Variants in NSD1 observed in about 807,000 individuals in gnomAD.
NSD1 encodes histone-lysine N-methyltransferase, H3 lysine-36 specific.
Under a neutral mutation model 242.7 loss-of-function variants are expected in NSD1, and 26 were observed. The ratio of observed to expected loss-of-function variants is 0.11; its 90% CI spans 0.08 to 0.15. The LOEUF is 0.15. NSD1 is among the 10% of genes least tolerant of loss of function. NSD1 has a pLI of 1.00. For synonymous variants in NSD1, 1,106 were observed against 1,178.1 expected, an observed-to-expected ratio of 0.94 and a Z score of 1.25; for missense variants, 2,495 against 3,272.8, an observed-to-expected ratio of 0.76 and a Z score of 5.80.
At chr5:177,200,773 G>A (rs765824445) in intron 3 of NSD1, among the ~76,000 whole-genome samples, 1 of 151,894 alleles carries the variant, frequency 6.6e-6, no homozygotes, top group Non-Finnish European at 1.5e-5. Flanking sequence ...TACATAATAC[G>A]TCATTGTATT....
chr5:177,158,945 TACACACATATATATATAC>T (rs1758438792), intron 2 of NSD1, among the ~76,000 whole-genome samples: 1 of 145,404 alleles, frequency 6.9e-6, no homozygotes, highest in Non-Finnish European at 1.5e-5. Flanking sequence ...TGTGTATATA[TACACACATATATATATAC>T]ACACACATAT....
At chr5:177,132,252 G>T (rs1353114519), upstream of NSD1, among the ~76,000 whole-genome samples, 7 of 151,936 alleles carry the variant, frequency 4.6e-5, no homozygotes, top group South Asian at 1.5e-3. This position sits in a 1 kb window ranked among gnomAD's most constrained non-coding sequence, Gnocchi z 7.5. Flanking sequence ...ACTCCCCGGG[G>T]AACCGGGCTG....
At position 177,300,172 on chromosome 5, in the gene NSD1, G is replaced by GA. The variant is rs1265899703; in HGVS notation, c.*4721dup. The GA allele has an allele frequency of 2.8e-5, 6 of 216,938 alleles. No homozygotes were observed. The highest frequency in any genetic ancestry group is 3.7e-5 in the Non-Finnish European group (4 of 108,870). The allele number at this position is 216,938 out of a possible 1,614,324, so 13.4% of individuals were successfully genotyped here. A position where few individuals can be genotyped will look rare whatever the true frequency, so the allele number is the denominator to read the frequency against. On this transcript the variant is annotated 3_prime_UTR_variant, in exon 23 of 23. Coordinates refer to ENST00000439151, the MANE Select transcript of NSD1 (RefSeq NM_022455.5). ...CATGTACTGTAATTCTTTGTATATAGAAAAAAAATTTACTGTAAAGTAAAG... is the reference window on the plus strand; with the variant it reads ...CATGTACTGTAATTCTTTGTATATAGAAAAAAAAATTTACTGTAAAGTAAAG...
intron 13 of NSD1, among the ~76,000 whole-genome samples, chr5:177,257,817 T>TTTTTTA (rs1554199650): frequency 3.6e-5 from 5 of 139,664 alleles, no homozygotes; most frequent in Admixed American, 7.4e-5. Context: ...CTGGGCTTTT[T>TTTTTTA]TTTTATTTTA....
intron 2 of NSD1, among the ~76,000 whole-genome samples, chr5:177,140,585 G>A (rs1162847787): frequency 2.0e-5 from 3 of 152,070 alleles, no homozygotes; most frequent in Non-Finnish European, 2.9e-5. Flanking sequence ...TCTGGAGGCC[G>A]AGGCAGGAGG....
rs1757794071 is a variant in NSD1, at chr5:177,269,582, C to T, written c.5304-20C>T. The T allele has an allele frequency of 6.2e-7, 1 of 1,612,788 alleles. No homozygotes were observed. The highest frequency in any genetic ancestry group is 8.5e-7 in the Non-Finnish European group (1 of 1,178,862). On this transcript the variant is annotated intron_variant, in intron 15 of 22. Transcript: ENST00000439151. The surrounding 1 kb of genome is among the most constrained non-coding windows in gnomAD (Gnocchi z 5.1). ...TTGCAGCCTTCTAGAGGTTTTCCTT[C>T]TCCTTTTCACCTTTCCCAGGTGGTG...
intron 18 of NSD1, among the ~76,000 whole-genome samples, chr5:177,281,347 T>TA (rs397812124): frequency 1.5e-4 from 22 of 150,660 alleles, no homozygotes; most frequent in East Asian, 3.9e-4. Flanking sequence ...TTTTTTTTTT[T>TA]AATAAAATAA....
At chr5:177,249,627 T>C (rs1385686285) in intron 11 of NSD1, among the ~76,000 whole-genome samples, 2 of 152,016 alleles carry the variant, frequency 1.3e-5, no homozygotes, top group African/African-American at 2.4e-5. Flanking sequence ...ACCGGGACTA[T>C]AGGCACCCGC....
intron 2 of NSD1, among the ~76,000 whole-genome samples, chr5:177,162,337 C>T (rs1362467237): frequency 6.6e-6 from 1 of 151,482 alleles, no homozygotes; most frequent in Admixed American, 6.6e-5. Context: ...GTCATCGGGT[C>T]TTTCCAAATT....
intron 20 of NSD1, among the ~76,000 whole-genome samples, chr5:177,286,746 A>G (rs1759365988): frequency 6.6e-6 from 1 of 152,232 alleles, no homozygotes; most frequent in Non-Finnish European, 1.5e-5. Context: ...GAGTGCTGAT[A>G]GTCCCATTCT....
intron 17 of NSD1, among the ~76,000 whole-genome samples, chr5:177,279,253 G>A (rs999743091): frequency 7.2e-5 from 11 of 152,098 alleles, no homozygotes; most frequent in Admixed American, 2.6e-4. Context: ...AGACCGAGGC[G>A]GGCAGATCAC....
intron 2 of NSD1, among the ~76,000 whole-genome samples, chr5:177,173,953 TA>T (rs1443515434): frequency 6.6e-6 from 1 of 152,242 alleles, no homozygotes; most frequent in African/African-American, 2.4e-5. Flanking sequence ...ATTTGGTAGT[TA>T]AATGAACATT....
At chr5:177,271,237 T>C (rs1757921555) in intron 16 of NSD1, among the ~76,000 whole-genome samples, 1 of 152,276 alleles carries the variant, frequency 6.6e-6, no homozygotes. Context: ...GTGTATTGTA[T>C]ATGCTGTGGG....
chr5:177,280,257 G>A (rs555822489), intron 17 of NSD1, among the ~76,000 whole-genome samples: 3 of 151,686 alleles, frequency 2.0e-5, no homozygotes, highest in South Asian at 2.1e-4. Flanking sequence ...GATTACAGGC[G>A]TGAGCCACCG....
chr5:177,257,817 T>TTTTTATTTTATTTTATTTTA (rs10616203), intron 13 of NSD1, among the ~76,000 whole-genome samples: 2 of 139,664 alleles, frequency 1.4e-5, no homozygotes, highest in African/African-American at 5.2e-5. Flanking sequence ...CTGGGCTTTT[T>TTTTTATTTTATTTTATTTTA]TTTTATTTTA....
At chr5:177,271,445 G>A (rs1004870396) in intron 16 of NSD1, among the ~76,000 whole-genome samples, 1 of 152,112 alleles carries the variant, frequency 6.6e-6, no homozygotes. Flanking sequence ...AGGAAACTGA[G>A]GCACATTAAT....
chr5:177,143,463 A>G (rs1390150946), intron 2 of NSD1, among the ~76,000 whole-genome samples: 1 of 152,062 alleles, frequency 6.6e-6, no homozygotes, highest in Non-Finnish European at 1.5e-5. Context: ...CTGGGATTAC[A>G]GGTGCATGCC....
At chr5:177,267,458 C>A (rs1200121420) in intron 14 of NSD1, 104 bp from the exon 15 acceptor site, 1 of 954,612 alleles carries the variant, frequency 1.0e-6, no homozygotes, top group Non-Finnish European at 1.7e-6. Context: ...TTTAGTATAT[C>A]TTTTAGTGAA....
chr5:177,140,239 G>A lies in NSD1; in HGVS notation c.927+4209G>A, dbSNP rs555255411. Among the ~76,000 whole-genome samples, 9 of 152,238 alleles carry A rather than the reference G, an allele frequency of 5.9e-5. No individual in the cohort carries two copies. The South Asian group carries it at 1.7e-3, about 28-fold the overall frequency. On this transcript the variant is annotated intron_variant, in intron 2 of 22. Transcript: ENST00000439151. ...TTCTAATTCTTCCCAGTGTACAAAG[G>A]TTTTATGCTTTGTTGTTGTTGTTGA...
Sources: allele counts gnomAD v4.1 joint callset (sites outside exome capture counted in the v4.1 genomes callset), GRCh38; gene constraint gnomAD v4.1.1; non-coding constraint Gnocchi (gnomAD v3.1); transcripts MANE v1.5; gene names NCBI Gene and HGNC (gene_info 2026-07-23, HGNC 2026-07-21).